MAGI2: variants seen among roughly 807,000 people sequenced by gnomAD.
MAGI2 encodes the protein membrane-associated guanylate kinase, WW and PDZ domain-containing protein 2.
In MAGI2, 35 loss-of-function variants were observed where a neutral mutation model predicts 133.3. The ratio of observed to expected loss-of-function variants is 0.26; its 90% CI spans 0.20 to 0.35. The LOEUF (loss-of-function observed/expected upper bound fraction) is 0.35, where lower values mean the gene tolerates loss of function less well. Among genes scored for constraint, MAGI2 ranks in the 10% least tolerant of loss-of-function variants. The probability of loss-of-function intolerance (pLI) is 1.00; values close to 1 mark genes in which losing one functional copy is unlikely to be tolerated. For missense variants in MAGI2, 1,636 were observed against 1,863.4 expected (o/e 0.88, Z 2.25); for synonymous variants, 729 against 710.6 (o/e 1.03, Z -0.41).
chr7:78,192,418 C>T (rs911852063), intron 12 of MAGI2, among the ~76,000 whole-genome samples: 2 of 151,900 alleles, frequency 1.3e-5, no homozygotes, highest in Admixed American at 6.6e-5. Flanking sequence ...ACAGACTGAG[C>T]TTTCCAATCA....
chr7:78,690,006 A>G (rs1207440332), intron 2 of MAGI2, among the ~76,000 whole-genome samples: 1 of 152,188 alleles, frequency 6.6e-6, no homozygotes, highest in Non-Finnish European at 1.5e-5. Context: ...TCATGCAAGT[A>G]TAATAATTGG....
chr7:79,310,818 C>T (rs1006382392), intron 1 of MAGI2, among the ~76,000 whole-genome samples: 1 of 152,112 alleles, frequency 6.6e-6, no homozygotes, highest in Non-Finnish European at 1.5e-5. Context: ...AGAACCCATT[C>T]TCTCATCTAC....
chr7:78,571,683 A>C (rs1435905749), intron 3 of MAGI2, among the ~76,000 whole-genome samples: 1 of 152,240 alleles, frequency 6.6e-6, no homozygotes. Flanking sequence ...TCATGGAAAT[A>C]ACAGCAATAA....
In MAGI2 at chr7:78,111,905, G is replaced by A. The variant is rs577160652; in HGVS notation, c.3567+13789C>T. On this transcript the variant is annotated intron_variant, in intron 20 of 21. Transcript: ENST00000354212. ...GTTGGCTGAATTTCAGCACCCAGACGTGATAAAACATTGGGTGGACGATCT... is the reference window on the plus strand; with the variant it reads ...GTTGGCTGAATTTCAGCACCCAGACATGATAAAACATTGGGTGGACGATCT... Among the ~76,000 whole-genome samples the A allele has an allele frequency of 2.0e-5, 3 of 152,318 alleles. No homozygotes were observed. The East Asian group carries it at 5.8e-4, about 29-fold the overall frequency.
At chr7:79,261,559 C>T (rs1161660260) in intron 1 of MAGI2, among the ~76,000 whole-genome samples, 2 of 152,168 alleles carry the variant, frequency 1.3e-5, no homozygotes, top group South Asian at 4.1e-4. Flanking sequence ...TTCTCAGTCA[C>T]CTCCCTCTGA....
At chr7:78,862,539 A>G (rs1342574409) in intron 2 of MAGI2, among the ~76,000 whole-genome samples, 4 of 152,212 alleles carry the variant, frequency 2.6e-5, no homozygotes, top group Non-Finnish European at 5.9e-5. Flanking sequence ...ATATTTATAA[A>G]TGAGGAACCT....
intron 1 of MAGI2, among the ~76,000 whole-genome samples, chr7:79,019,311 C>A (rs1809053200): frequency 6.6e-6 from 1 of 152,030 alleles, no homozygotes; most frequent in African/African-American, 2.4e-5. Flanking sequence ...GGGGCAGTTT[C>A]CCCCATGCTG....
At chr7:78,997,153 A>G (rs899464995) in intron 2 of MAGI2, among the ~76,000 whole-genome samples, 1 of 152,158 alleles carries the variant, frequency 6.6e-6, no homozygotes, top group Non-Finnish European at 1.5e-5. Flanking sequence ...AAGTGAAACT[A>G]TTGTCTTTAT....
intron 2 of MAGI2, among the ~76,000 whole-genome samples, chr7:78,948,273 G>A (rs1020091390): frequency 2.6e-5 from 4 of 151,640 alleles, no homozygotes; most frequent in Non-Finnish European, 5.9e-5. Context: ...AAGTATATAC[G>A]ATTATTTTAA....
intron 2 of MAGI2, among the ~76,000 whole-genome samples, chr7:78,964,477 A>G (rs983869167): frequency 6.6e-6 from 1 of 151,954 alleles, no homozygotes; most frequent in Non-Finnish European, 1.5e-5. Context: ...CTCTTTTGTG[A>G]TGCAATAAAA....
At chr7:78,120,447 T>C (rs538040366) in intron 20 of MAGI2, among the ~76,000 whole-genome samples, 35 of 152,100 alleles carry the variant, frequency 2.3e-4, no homozygotes, top group Admixed American at 7.9e-4. Context: ...TAAAATTATA[T>C]GGAAGGGCAA....
chr7:78,184,446 G>A (rs936332874), intron 13 of MAGI2: 6 of 152,064 alleles, frequency 3.9e-5, no homozygotes, highest in African/African-American at 1.4e-4. Context: ...ATGATCTCAG[G>A]CACATATATT....
At chr7:78,997,603 A>AT (rs1806434116) in intron 2 of MAGI2, among the ~76,000 whole-genome samples, 1 of 150,694 alleles carries the variant, frequency 6.6e-6, no homozygotes, top group Non-Finnish European at 1.5e-5. Context: ...CTCCATCTCA[A>AT]TTAAAAAAAA....
intron 9 of MAGI2, among the ~76,000 whole-genome samples, chr7:78,279,283 A>C (rs1431738551): frequency 6.8e-6 from 1 of 146,638 alleles, no homozygotes; most frequent in Non-Finnish European, 1.5e-5. Context: ...AATTTTGATG[A>C]GACATAGTCC....
intron 3 of MAGI2, among the ~76,000 whole-genome samples, chr7:78,545,130 G>T (rs887864963): frequency 3.4e-5 from 5 of 149,116 alleles, no homozygotes; most frequent in African/African-American, 1.2e-4. Flanking sequence ...TTTATCAATA[G>T]AACAAAGGAA....
chr7:78,936,605 A>C (rs1253379429), intron 2 of MAGI2, among the ~76,000 whole-genome samples: 1 of 152,052 alleles, frequency 6.6e-6, no homozygotes, highest in East Asian at 1.9e-4. Context: ...ACTATAGCCC[A>C]TTCCTATTAA....
intron 2 of MAGI2, among the ~76,000 whole-genome samples, chr7:78,945,817 A>G (rs1317607324): frequency 1.3e-5 from 2 of 152,158 alleles, no homozygotes; most frequent in Non-Finnish European, 2.9e-5. Context: ...GGCTCACTTA[A>G]TAAACTCTAC....
intron 16 of MAGI2, among the ~76,000 whole-genome samples, chr7:78,158,729 G>A (rs1035186906): frequency 2.0e-5 from 3 of 152,096 alleles, no homozygotes; most frequent in South Asian, 2.1e-4. Context: ...TGAAAGACCC[G>A]CTTCTTGCCT....
chr7:79,210,158 T>C (rs1432593021), intron 1 of MAGI2, among the ~76,000 whole-genome samples: 3 of 152,098 alleles, frequency 2.0e-5, no homozygotes, highest in Non-Finnish European at 4.4e-5. Flanking sequence ...ATAGAATGTG[T>C]AGCTGCTTCT....
Sources: gnomAD v4.1 joint callset for allele counts (sites outside exome capture counted in the v4.1 genomes callset) on GRCh38, gnomAD v4.1.1 for gene constraint, MANE v1.5 for transcripts, NCBI Gene and HGNC (gene_info 2026-07-23, HGNC 2026-07-21) for gene names.